The following PPP6R3 variants were observed in gnomAD, a reference collection of about 807,000 sequenced individuals.
PPP6R3 encodes protein phosphatase 6 regulatory subunit 3.
In PPP6R3, 38 loss-of-function variants were observed where a neutral mutation model predicts 110.7. The observed-to-expected ratio is 0.34, with a 90% CI of 0.26 to 0.45. The LOEUF (loss-of-function observed/expected upper bound fraction) is 0.45. Among genes scored for constraint, PPP6R3 ranks in the 20% least tolerant of loss-of-function variants. The pLI is 1.00. For missense variants in PPP6R3, 870 were observed against 1,062.4 expected, an observed-to-expected ratio of 0.82 and a Z score of 2.52; for synonymous variants, 369 against 373.5, an observed-to-expected ratio of 0.99 and a Z score of 0.14.
chr11:68,527,384 G>C (rs1169487780), intron 2 of PPP6R3, among the ~76,000 whole-genome samples: 1 of 152,164 alleles, frequency 6.6e-6, no homozygotes, highest in Non-Finnish European at 1.5e-5. Context: ...GCAGACTCCA[G>C]TGTCTGTCTT....
rs546101550 is a variant in PPP6R3, at chr11:68,513,154, G to A, written c.-157-6347G>A. On this transcript the variant is annotated intron_variant, in intron 1 of 23. Coordinates refer to ENST00000393800, the MANE Select transcript of PPP6R3 (RefSeq NM_001164161.2). ...GCCCTTTGGACTTGGATTGAACCTC[G>A]TTACCGGCATCCCGGGGGTCTTCAG... 3.9e-5 allele frequency among the ~76,000 whole-genome samples: 6 copies of A among 152,162 alleles called. No homozygotes were observed. In the South Asian group the frequency reaches 8.3e-4, roughly 21 times the overall value.
chr11:68,570,027 G>A (rs1299936522), intron 11 of PPP6R3, 130 bp downstream of exon 11: 2 of 829,692 alleles, frequency 2.4e-6, no homozygotes, highest in Non-Finnish European at 3.6e-6. Flanking sequence ...TGACAATCAT[G>A]TGTTCGTTTC....
intron 1 of PPP6R3, among the ~76,000 whole-genome samples, chr11:68,504,517 T>C (rs187243415): frequency 6.6e-6 from 1 of 152,330 alleles, no homozygotes; most frequent in Admixed American, 6.5e-5. Context: ...GGAAAGGATA[T>C]CTTACAATAT....
intron 1 of PPP6R3, among the ~76,000 whole-genome samples, chr11:68,461,228 C>T (rs1420681824): frequency 6.6e-6 from 1 of 151,756 alleles, no homozygotes; most frequent in Admixed American, 6.6e-5. Flanking sequence ...GCCCGGTCTC[C>T]GCTCCCGCTG....
At chr11:68,474,326 A>G (rs1390209489) in intron 1 of PPP6R3, among the ~76,000 whole-genome samples, 1 of 152,236 alleles carries the variant, frequency 6.6e-6, no homozygotes, top group Non-Finnish European at 1.5e-5. Flanking sequence ...GATTACAGGC[A>G]TGTGCCACTG....
chr11:68,614,649 C>T lies in PPP6R3; in HGVS notation c.*1532C>T. On this transcript the variant is annotated 3_prime_UTR_variant, in exon 24 of 24. Coordinates refer to ENST00000393800, the MANE Select transcript of PPP6R3 (RefSeq NM_001164161.2). The stretch of plus-strand genomic sequence containing the variant: ...ATTTTAAGTGGTGTGGAGATTCCAG[C>T]ACTCCCAGGACAGTGGAGTCAGCAG... 1 of 1,517,584 alleles carries T rather than the reference C, an allele frequency of 6.6e-7. No individual in the cohort carries two copies. Among genetic ancestry groups the T allele is most frequent in the Non-Finnish European group, 8.8e-7 (1 of 1,138,866 alleles). The allele number at this position is 1,517,584 out of a possible 1,614,324, so 94.0% of individuals were successfully genotyped here. A position where few individuals can be genotyped will look rare whatever the true frequency, so the allele number is the denominator to read the frequency against.
At chr11:68,495,104 G>A (rs1170927992) in intron 1 of PPP6R3, among the ~76,000 whole-genome samples, 1 of 152,142 alleles carries the variant, frequency 6.6e-6, no homozygotes, top group East Asian at 1.9e-4. Flanking sequence ...TGGAAATAGG[G>A]TGGCATTTGT....
chr11:68,589,760 T>C (rs1566050144), intron 16 of PPP6R3, among the ~76,000 whole-genome samples: 3 of 152,266 alleles, frequency 2.0e-5, no homozygotes, highest in Non-Finnish European at 4.4e-5. Context: ...GTTTGCAGTA[T>C]GTGAGAAGCT....
intron 22 of PPP6R3, among the ~76,000 whole-genome samples, chr11:68,606,191 G>C (rs754587004): frequency 6.6e-6 from 1 of 152,210 alleles, no homozygotes; most frequent in African/African-American, 2.4e-5. Flanking sequence ...CAGAAAGTCA[G>C]TCATTTGATT....
chr11:68,567,276 C>A, intron 10 of PPP6R3, 110 bp downstream of exon 10: 1 of 1,221,692 alleles, frequency 8.2e-7, no homozygotes, highest in South Asian at 1.9e-5. Context: ...TTTTCTTGGT[C>A]TGAGCATAAA....
intron 17 of PPP6R3, 102 bp downstream of exon 17, chr11:68,590,816 C>G (rs890549039): frequency 1.5e-6 from 2 of 1,304,602 alleles, no homozygotes; most frequent in Non-Finnish European, 2.0e-6. Context: ...TGCTCTAGAG[C>G]CCTAATCCTA....
intron 1 of PPP6R3, among the ~76,000 whole-genome samples, chr11:68,461,658 G>T (rs932113197): frequency 2.6e-5 from 4 of 152,028 alleles, no homozygotes; most frequent in Non-Finnish European, 4.4e-5. Context: ...ATGTACCTCC[G>T]TGCCCTGACG....
chr11:68,563,046 G>C (rs1320609970), intron 8 of PPP6R3, among the ~76,000 whole-genome samples: 2 of 151,460 alleles, frequency 1.3e-5, no homozygotes, highest in African/African-American at 4.9e-5. Context: ...GGTGGCTCAT[G>C]CCTAGCACTT....
chr11:68,548,100 G>A lies in PPP6R3; in HGVS notation c.448G>A (p.Val150Ile), dbSNP rs1358452804. The change falls in exon 5 of 24, where the codon GTA becomes ATA. Residue 150 changes from valine (V) to isoleucine (I), a missense_variant. Transcript: ENST00000393800. ...TTTCTTAAAGAAGAAGCATGATTTT[G>A]TAGACCTTATTATAAAGCACATAGG... is the stretch of plus-strand genomic sequence containing the variant. ...VDFLKKKHDF[V>I]DLIIKHIGTS... is the part of the protein sequence containing the mutation. 6.2e-7 allele frequency: 1 copy of A among 1,613,834 alleles called. No homozygotes were observed. The highest frequency in any genetic ancestry group is 2.2e-5 in the East Asian group (1 of 44,876).
At chr11:68,531,075 A>G (rs1022899631) in intron 2 of PPP6R3, among the ~76,000 whole-genome samples, 1 of 152,164 alleles carries the variant, frequency 6.6e-6, no homozygotes, top group African/African-American at 2.4e-5. Context: ...TAGTTTCTGA[A>G]ATAACACAGT....
intron 14 of PPP6R3, 70 bp from the exon 15 acceptor site, chr11:68,582,973 A>G: frequency 9.1e-7 from 1 of 1,101,880 alleles, no homozygotes; most frequent in Non-Finnish European, 1.3e-6. Context: ...TGATTTTTCC[A>G]TAAAAATGCT....
At chr11:68,551,384 G>GTA (rs1156429228) in intron 6 of PPP6R3, among the ~76,000 whole-genome samples, 198 bp downstream of exon 6, 1 of 152,168 alleles carries the variant, frequency 6.6e-6, no homozygotes, top group Non-Finnish European at 1.5e-5. Context: ...TTCCAGAAGT[G>GTA]TACAACAGCA....
At chr11:68,605,122 T>G (rs1442603055) in intron 22 of PPP6R3, among the ~76,000 whole-genome samples, 1 of 152,204 alleles carries the variant, frequency 6.6e-6, no homozygotes, top group Non-Finnish European at 1.5e-5. Context: ...GACAGATTGC[T>G]TGAGCCCAGG....
At chr11:68,469,816 A>G (rs186571074) in intron 1 of PPP6R3, among the ~76,000 whole-genome samples, 4 of 152,218 alleles carry the variant, frequency 2.6e-5, no homozygotes, top group Non-Finnish European at 4.4e-5. Flanking sequence ...AGGTTGCCAT[A>G]CCTTTGGCTC....
Sources: allele counts gnomAD v4.1 joint callset (sites outside exome capture counted in the v4.1 genomes callset), GRCh38; gene constraint gnomAD v4.1.1; transcripts MANE v1.5; gene names NCBI Gene and HGNC (gene_info 2026-07-23, HGNC 2026-07-21).